The following PPT1 variants were observed in gnomAD, a reference collection of about 807,000 sequenced individuals.
PPT1 encodes ceroid-palmitoyl-palmitoyl-protein thioesterase 1.
Under a neutral mutation model 44.0 loss-of-function variants are expected in PPT1, and 24 were observed. The observed-to-expected ratio is 0.54, with a 90% CI of 0.39 to 0.77. The LOEUF (loss-of-function observed/expected upper bound fraction) is 0.77. Ranked by LOEUF, PPT1 falls within the 30% of genes least tolerant of loss-of-function variation. PPT1 has a pLI of 0.00. For missense variants in PPT1, 341 were observed against 378.8 expected (o/e 0.90, Z 0.83); for synonymous variants, 148 against 140.2 (o/e 1.06, Z -0.39).
chr1:40,092,231 T>C lies in PPT1; in HGVS notation c.235-59A>G, dbSNP rs1156893269. On this transcript the variant is annotated intron_variant, in intron 2 of 8. Coordinates refer to ENST00000642050, the MANE Select transcript of PPT1 (RefSeq NM_000310.4). ...GGACTGAAAACAACCACTGACATCT[T>C]CTCTAAGAGGTAAACTCATTTAGGT... 5.6e-6 allele frequency: 9 copies of C among 1,607,826 alleles called. No homozygotes were observed. In the East Asian group the frequency reaches 1.8e-4, roughly 32 times the overall value.
chr1:40,082,683 T>G (rs1053002104), intron 5 of PPT1, among the ~76,000 whole-genome samples: 1 of 152,186 alleles, frequency 6.6e-6, no homozygotes, highest in Admixed American at 6.5e-5. Flanking sequence ...TTTGTAAGGT[T>G]CAAGGAAAGA....
chr1:40,071,834 G>T (rs1451527811), downstream of PPT1: 2 of 465,876 alleles, frequency 4.3e-6, no homozygotes, highest in African/African-American at 3.9e-5. Flanking sequence ...GAGCTTTTGG[G>T]GGTTATTCTA....
chr1:40,096,750 T>G (rs4557961), intron 1 of PPT1: 4 of 273,636 alleles, frequency 1.5e-5, no homozygotes, highest in African/African-American at 6.7e-5. Context: ...CTCTGTTCAA[T>G]GTGTGAAGGA....
At position 40,074,056 on chromosome 1, in the gene PPT1, G is replaced by A. The variant is rs753421089; in HGVS notation, c.*5C>T. On this transcript the variant is annotated 3_prime_UTR_variant, in exon 9 of 9. Transcript: ENST00000642050. The stretch of plus-strand genomic sequence containing the variant: ...CCCTGAGCTCTATTGTGAACTATAC[G>A]GGTTTCATCCAAGGAATGGTATGAT... 10 of 1,613,922 alleles carry A rather than the reference G, an allele frequency of 6.2e-6. No individual in the cohort carries two copies. The Admixed American group carries it at 6.7e-5, about 11-fold the overall frequency.
chr1:40,071,702 G>A (rs1648067945), downstream of PPT1: 1 of 575,860 alleles, frequency 1.7e-6, no homozygotes, highest in Non-Finnish European at 3.1e-6. Flanking sequence ...TGAAATTTGG[G>A]GTGGGATAGC....
chr1:40,093,310 T>C (rs1305008332), intron 1 of PPT1, among the ~76,000 whole-genome samples: 1 of 152,122 alleles, frequency 6.6e-6, no homozygotes, highest in Non-Finnish European at 1.5e-5. Flanking sequence ...ATAGGATAAA[T>C]AAAGAACAGG....
chr1:40,078,738 C>G, intron 6 of PPT1, 80 bp from the exon 7 acceptor site: 1 of 1,190,286 alleles, frequency 8.4e-7, no homozygotes, highest in Admixed American at 1.8e-5. Context: ...GTTTTCTGGT[C>G]TCCCTGACCC....
chr1:40,089,851 C>A (rs2124484781), intron 4 of PPT1, among the ~76,000 whole-genome samples: 1 of 152,164 alleles, frequency 6.6e-6, no homozygotes, highest in East Asian at 1.9e-4. Context: ...CCTTCCCCTC[C>A]CCCAGTTATA....
rs2124488338 is a variant in PPT1, at chr1:40,092,419, C to T, written c.213G>A (p.Glu71=). 2.5e-6 allele frequency: 4 copies of T among 1,612,210 alleles called. No homozygotes were observed. Among genetic ancestry groups the T allele is most frequent in the Non-Finnish European group, 3.4e-6 (4 of 1,178,236 alleles). ...TTACCTCCATCAGGGTCTTCCCAAT[C>T]TCTAAAGATAAGACGTAAATTCCAG... is the stretch of plus-strand genomic sequence containing the variant. ...KIPGIYVLSL[E]IGKTLMEDVE... is the part of the protein sequence containing the mutation. Residue 71 remains glutamate, a synonymous_variant, in exon 2 of 9, where the codon GAG becomes GAA. Coordinates refer to ENST00000642050, the MANE Select transcript of PPT1 (RefSeq NM_000310.4).
chr1:40,090,905 G>A (rs79094201), intron 4 of PPT1, among the ~76,000 whole-genome samples: 8,060 of 152,240 alleles, frequency 0.053, 244 homozygotes, highest in East Asian at 0.11. Flanking sequence ...ATGGAATTCC[G>A]TCAAAATAGA....
rs746211647 is a variant in PPT1, at chr1:40,089,594, A to G, written c.434-82T>C. ...CTATGCACAAGGCACTGTGAGAAAC[A>G]AAATGAACAGGACCAAACTCTGATT... On this transcript the variant is annotated intron_variant, in intron 4 of 8. Transcript: ENST00000642050. 4.9e-6 allele frequency: 5 copies of G among 1,012,506 alleles called. No individual in the cohort carries two copies. In the African/African-American group the frequency reaches 7.9e-5, roughly 16 times the overall value. 62.7% of individuals were successfully genotyped at this position (1,012,506 alleles called of 1,614,324 possible). A position where few individuals can be genotyped will look rare whatever the true frequency, so the allele number is the denominator to read the frequency against.
Position 40,090,336 on chromosome 1 carries a change from G to GTATA in PPT1, c.434-828_434-825dup, listed in dbSNP as rs60593450. 5.2e-3 allele frequency among the ~76,000 whole-genome samples: 792 copies of GTATA among 150,992 alleles called. 13 individuals are homozygous for GTATA. Among genetic ancestry groups the GTATA allele is most frequent in the East Asian group, 0.035 (178 of 5,154 alleles). On this transcript the variant is annotated intron_variant, in intron 4 of 8. Transcript: ENST00000642050. Reference sequence around the variant, plus strand: ...GCCCAGCTATCCTCCATTTTATCGTGTATATATATATATGTGTGTGTGTAT... The same window carrying GTATA: ...GCCCAGCTATCCTCCATTTTATCGTGTATATATATATATATATGTGTGTGTGTAT...
chr1:40,085,333 G>A, intron 5 of PPT1, among the ~76,000 whole-genome samples: 1 of 152,132 alleles, frequency 6.6e-6, no homozygotes, highest in East Asian at 1.9e-4. Flanking sequence ...TGACCCATGT[G>A]ACTTTACCTA....
At chr1:40,075,058 C>T (rs1648541658) in intron 8 of PPT1, 4 of 152,070 alleles carry the variant, frequency 2.6e-5, no homozygotes, top group Admixed American at 2.0e-4. Context: ...AGTTCAAGAC[C>T]AGCCTGACCA....
chr1:40,086,806 C>A (rs747805051), intron 5 of PPT1, among the ~76,000 whole-genome samples: 1 of 151,960 alleles, frequency 6.6e-6, no homozygotes, highest in Non-Finnish European at 1.5e-5. Flanking sequence ...AGAGAAGCAA[C>A]AATGGCACTG....
chr1:40,072,973 CAAAT>C lies in PPT1; in HGVS notation c.*1084_*1087del. 6.6e-6 allele frequency: 1 copy of C among 152,274 alleles called. No homozygotes were observed. The allele number at this position is 152,274 out of a possible 1,614,324, so 9.4% of individuals were successfully genotyped here. A position where few individuals can be genotyped will look rare whatever the true frequency, so the allele number is the denominator to read the frequency against. On this transcript the variant is annotated 3_prime_UTR_variant, in exon 9 of 9. Transcript: ENST00000642050. ...GAGTGGGGACTATGATTTCCATGCT[CAAAT>C]AGTGTAGGAAATGGTAGATTACGTT...
At chr1:40,094,149 T>C in intron 1 of PPT1, 1 of 557,480 alleles carries the variant, frequency 1.8e-6, no homozygotes, top group Non-Finnish European at 3.3e-6. Context: ...ATGCAAAGTT[T>C]TCTCTTCAGG....
At chr1:40,082,461 T>C (rs1649003514) in intron 5 of PPT1, 4 of 151,446 alleles carry the variant, frequency 2.6e-5, no homozygotes, top group African/African-American at 7.3e-5. Context: ...AGAAGTGTTA[T>C]TTCAGTGAAC....
intron 5 of PPT1, among the ~76,000 whole-genome samples, chr1:40,086,377 T>A (rs1649264101): frequency 6.6e-6 from 1 of 152,224 alleles, no homozygotes; most frequent in South Asian, 2.1e-4. Context: ...CCATTCCTCG[T>A]TGCCCTCACC....
Sources: gnomAD v4.1 joint callset for allele counts (sites outside exome capture counted in the v4.1 genomes callset) on GRCh38, gnomAD v4.1.1 for gene constraint, MANE v1.5 for transcripts, NCBI Gene and HGNC (gene_info 2026-07-23, HGNC 2026-07-21) for gene names.